The following IGSF3 variants were observed in gnomAD, a reference collection of about 807,000 sequenced individuals.
IGSF3 encodes the protein glu-Trp-Ile EWI motif-containing protein 3.
A neutral mutation model predicts 114.4 loss-of-function variants in IGSF3; 23 were observed. The ratio of observed to expected loss-of-function variants is 0.20; its 90% CI spans 0.14 to 0.28. IGSF3 has a LOEUF of 0.28. Among genes scored for constraint, IGSF3 ranks in the 10% least tolerant of loss-of-function variants. The pLI is 1.00. For synonymous variants in IGSF3, 571 were observed against 645.2 expected, an observed-to-expected ratio of 0.88 and a Z score of 1.74; for missense variants, 1,172 against 1,591.5, an observed-to-expected ratio of 0.74 and a Z score of 4.48.
Position 116,579,615 on chromosome 1 carries a change from G to A in IGSF3, c.3111C>T (p.Gly1037=), listed in dbSNP as rs373045635. 1.2e-6 allele frequency: 2 copies of A among 1,613,964 alleles called. No individual in the cohort carries two copies. Among genetic ancestry groups the A allele is most frequent in the African/African-American group, 2.7e-5 (2 of 74,900 alleles). The change falls in exon 10 of 11, where the codon GGC becomes GGT. Residue 1037 remains glycine, a synonymous_variant. Transcript: ENST00000369486. This position sits in a 1 kb window ranked among gnomAD's most constrained non-coding sequence, Gnocchi z 6.4. ...PTERTALLSV[G]PDAVFGPEGS... ...CCTCTGGGCCAAAGACAGCATCTGGGCCCACGCTCAGCAGGGCCGTCCGCT... is the reference window on the plus strand; with the variant it reads ...CCTCTGGGCCAAAGACAGCATCTGGACCCACGCTCAGCAGGGCCGTCCGCT...
intron 2 of IGSF3, among the ~76,000 whole-genome samples, chr1:116,663,685 G>C (rs1236762563): frequency 6.6e-6 from 1 of 152,018 alleles, no homozygotes; most frequent in East Asian, 1.9e-4. Flanking sequence ...ACTGGCAAAG[G>C]ACAGGTGCAG....
chr1:116,609,665 T>G (rs1430536550), intron 4 of IGSF3, among the ~76,000 whole-genome samples: 1 of 152,068 alleles, frequency 6.6e-6, no homozygotes, highest in Admixed American at 6.5e-5. Flanking sequence ...GGCAGAGACG[T>G]TTGAATTCCA....
At position 116,599,891 on chromosome 1, in the gene IGSF3, C is replaced by T. The variant is rs537029877; in HGVS notation, c.2029+50G>A. The T allele has an allele frequency of 4.5e-5, 69 of 1,546,240 alleles. No individual in the cohort carries two copies. In the South Asian group the frequency reaches 4.5e-4, roughly 10 times the overall value. On this transcript the variant is annotated intron_variant, in intron 7 of 10. Transcript: ENST00000369486. ...CACGCACACCTTTCTTTTTCCCTCA[C>T]GTCTGCTCAGGCAGCATGGGCACAT...
Position 116,588,860 on chromosome 1 carries a change from C to T in IGSF3, c.2274G>A (p.Arg758=), listed in dbSNP as rs1368254520. Residue 758 remains arginine (R), a synonymous_variant, in exon 8 of 11, where the codon AGG becomes AGA. Transcript: ENST00000369486. This position sits in a 1 kb window ranked among gnomAD's most constrained non-coding sequence, Gnocchi z 4.9. ...EGLRARLQFE[R]HVSGGLFSLT... ...GGCTGAACAGGCCCCCCGACACATGCCTCTCAAACTGGAGCCTGGCTCTCA... is the reference window on the plus strand; with the variant it reads ...GGCTGAACAGGCCCCCCGACACATGTCTCTCAAACTGGAGCCTGGCTCTCA... The T allele has an allele frequency of 6.2e-7, 1 of 1,614,188 alleles. No homozygotes were observed. The highest frequency in any genetic ancestry group is 8.5e-7 in the Non-Finnish European group (1 of 1,180,022).
chr1:116,591,245 C>T (rs201783712), intron 7 of IGSF3, among the ~76,000 whole-genome samples: 2 of 151,378 alleles, frequency 1.3e-5, no homozygotes, highest in African/African-American at 4.8e-5. Flanking sequence ...TTGAAACAAC[C>T]GGCTCCCTTT....
chr1:116,581,876 C>A (rs1018658211), intron 9 of IGSF3, among the ~76,000 whole-genome samples: 3 of 152,216 alleles, frequency 2.0e-5, no homozygotes, highest in African/African-American at 7.2e-5. Context: ...GCCCCCCACC[C>A]CATGCTTTTC....
chr1:116,604,986 C>A (rs371800142), intron 5 of IGSF3, among the ~76,000 whole-genome samples: 1,637 of 152,242 alleles, frequency 0.011, 37 homozygotes, highest in African/African-American at 0.038. Context: ...AACTGGTCAT[C>A]ATGATCATGA....
intron 9 of IGSF3, among the ~76,000 whole-genome samples, chr1:116,581,361 G>A (rs1177009009): frequency 2.0e-5 from 2 of 101,766 alleles, no homozygotes; most frequent in African/African-American, 7.7e-5. Flanking sequence ...ACTGTAATAT[G>A]TTCTAAACAA....
At position 116,641,606 on chromosome 1, in the gene IGSF3, A is replaced by T. The variant is rs1648108533; in HGVS notation, c.43+24678T>A. 2.6e-5 allele frequency among the ~76,000 whole-genome samples: 4 copies of T among 151,904 alleles called. No homozygotes were observed. In the South Asian group the frequency reaches 8.3e-4, roughly 31 times the overall value. ...GAAGGAAATGCCATAAAGCATCAGG[A>T]GCAAAGAACATCCAAAGAAGAGCAC... is the stretch of plus-strand genomic sequence containing the variant. On this transcript the variant is annotated intron_variant, in intron 2 of 10. Transcript: ENST00000369486.
rs111518986 is a variant in IGSF3, at chr1:116,605,951, A to C, written c.1223-1926T>G. On this transcript the variant is annotated intron_variant, in intron 5 of 10. Coordinates refer to ENST00000369486, the MANE Select transcript of IGSF3 (RefSeq NM_001007237.3). The surrounding 1 kb of genome is among the most constrained non-coding windows in gnomAD (Gnocchi z 5.1). ...GTGTCTGTTGCTTGAGCAAGCCTGG[A>C]AACCCACATAGTTAGAATGTGGGGC... Among the ~76,000 whole-genome samples the C allele has an allele frequency of 9.7e-3, 1,471 of 152,270 alleles. 24 individuals carry two copies. The highest frequency in any genetic ancestry group is 0.034 in the African/African-American group (1,402 of 41,542).
rs535988620 is a variant in IGSF3 at position 116,600,910 on chromosome 1, C to T, written c.1625-565G>A. ...CCTCCAGTGGGGTGGGACAATTATC[C>T]TAAATGCAGGGTTCTGCAGGCTCAG... On this transcript the variant is annotated intron_variant, in intron 6 of 10. Transcript: ENST00000369486. This position sits in a 1 kb window ranked among gnomAD's most constrained non-coding sequence, Gnocchi z 5.5. 2.0e-5 allele frequency among the ~76,000 whole-genome samples: 3 copies of T among 152,272 alleles called. No individual in the cohort carries two copies. Among genetic ancestry groups the T allele is most frequent in the African/African-American group, 7.2e-5 (3 of 41,536 alleles).
chr1:116,599,018 T>C (rs1660458978), intron 7 of IGSF3, among the ~76,000 whole-genome samples: 1 of 152,140 alleles, frequency 6.6e-6, no homozygotes, highest in African/African-American at 2.4e-5. Context: ...TCAGGGCCCA[T>C]ACAACTGGAC....
At chr1:116,656,909 CAG>C (rs1215036802) in intron 2 of IGSF3, among the ~76,000 whole-genome samples, 1 of 152,122 alleles carries the variant, frequency 6.6e-6, no homozygotes, top group African/African-American at 2.4e-5. Flanking sequence ...GCCTGGGTAA[CAG>C]AGCGAGACTC....
At position 116,648,896 on chromosome 1, in the gene IGSF3, C is replaced by T. The variant is rs996845753; in HGVS notation, c.43+17388G>A. On this transcript the variant is annotated intron_variant, in intron 2 of 10. Coordinates refer to ENST00000369486, the MANE Select transcript of IGSF3 (RefSeq NM_001007237.3). The surrounding 1 kb of genome is among the most constrained non-coding windows in gnomAD (Gnocchi z 4.7). ...CAGCTCATGAACAAGGATGCCCTTCCCTGGACAGCCAAGATGTAAACCTGC... is the reference window on the plus strand; with the variant it reads ...CAGCTCATGAACAAGGATGCCCTTCTCTGGACAGCCAAGATGTAAACCTGC... Among the ~76,000 whole-genome samples, 14 of 152,162 alleles carry T rather than the reference C, an allele frequency of 9.2e-5. No homozygotes were observed. Among genetic ancestry groups the T allele is most frequent in the African/African-American group, 3.4e-4 (14 of 41,444 alleles).
chr1:116,658,864 T>C (rs904629697), intron 2 of IGSF3, among the ~76,000 whole-genome samples: 3 of 152,170 alleles, frequency 2.0e-5, no homozygotes, highest in Admixed American at 1.3e-4. Flanking sequence ...TCCTGTCCAT[T>C]TGCAAATTGA....
Position 116,628,727 on chromosome 1 carries a change from C to T in IGSF3, c.44-12270G>A, listed in dbSNP as rs997646169. On this transcript the variant is annotated intron_variant, in intron 2 of 10. Coordinates refer to ENST00000369486, the MANE Select transcript of IGSF3 (RefSeq NM_001007237.3). This position sits in a 1 kb window ranked among gnomAD's most constrained non-coding sequence, Gnocchi z 4.2. ...GTTACGTATGATAATAATGGATGGC[C>T]GCTCCTTCCCCCTCAGCTTTGACTT... Among the ~76,000 whole-genome samples the T allele has an allele frequency of 6.6e-5, 10 of 152,346 alleles. No individual in the cohort carries two copies. The highest frequency in any genetic ancestry group is 1.9e-4 in the East Asian group (1 of 5,196).
intron 2 of IGSF3, among the ~76,000 whole-genome samples, chr1:116,659,204 G>T (rs1399775455): frequency 2.0e-5 from 3 of 152,064 alleles, no homozygotes; most frequent in Admixed American, 1.3e-4. Context: ...CGACTGCTTG[G>T]AAGCTAATTT....
Position 116,614,990 on chromosome 1 carries a change from A to G in IGSF3, c.422-815T>C, listed in dbSNP as rs1035811044. On this transcript the variant is annotated intron_variant, in intron 3 of 10. Transcript: ENST00000369486. The surrounding 1 kb of genome is among the most constrained non-coding windows in gnomAD (Gnocchi z 4.5). ...TGGGTCTTACGGGTCTCCTGCTGGGAACGGCCAAGTGCGGTGGCTCACACC... is the reference window on the plus strand; with the variant it reads ...TGGGTCTTACGGGTCTCCTGCTGGGGACGGCCAAGTGCGGTGGCTCACACC... Among the ~76,000 whole-genome samples the G allele has an allele frequency of 7.2e-5, 11 of 152,038 alleles. No homozygotes were observed. Among genetic ancestry groups the G allele is most frequent in the African/African-American group, 2.2e-4 (9 of 41,382 alleles).
rs1660369342 is a variant in IGSF3, at chr1:116,596,975, A to G, written c.2029+2966T>C. 6.6e-6 allele frequency among the ~76,000 whole-genome samples: 1 copy of G among 152,234 alleles called. No homozygotes were observed. Among genetic ancestry groups the G allele is most frequent in the South Asian group, 2.1e-4 (1 of 4,836 alleles). On this transcript the variant is annotated intron_variant, in intron 7 of 10. Coordinates refer to ENST00000369486, the MANE Select transcript of IGSF3 (RefSeq NM_001007237.3). This position sits in a 1 kb window ranked among gnomAD's most constrained non-coding sequence, Gnocchi z 4.1. ...AACACTAGTGCTATAACTCCTCCACATCATCAATCTACAAGGAGAAAATTC... is the reference window on the plus strand; with the variant it reads ...AACACTAGTGCTATAACTCCTCCACGTCATCAATCTACAAGGAGAAAATTC...
Sources: allele counts gnomAD v4.1 joint callset (sites outside exome capture counted in the v4.1 genomes callset), GRCh38; gene constraint gnomAD v4.1.1; non-coding constraint Gnocchi (gnomAD v3.1); transcripts MANE v1.5; gene names NCBI Gene and HGNC (gene_info 2026-07-23, HGNC 2026-07-21).